Variants in PLCB1 observed in about 807,000 individuals in gnomAD.
PLCB1 encodes phospholipase C beta 1, also known as 1-phosphatidylinositol 4,5-bisphosphate phosphodiesterase beta-1.
In PLCB1, 46 loss-of-function variants were observed where a neutral mutation model predicts 161.8. That is an observed-to-expected ratio of 0.28 (90% CI 0.22 to 0.36). PLCB1 has a LOEUF of 0.36. PLCB1 is among the 10% of genes least tolerant of loss of function. The pLI is 1.00. For synonymous variants in PLCB1, 517 were observed against 503.7 expected, an observed-to-expected ratio of 1.03 and a Z score of -0.35; for missense variants, 1,016 against 1,472.5, an observed-to-expected ratio of 0.69 and a Z score of 5.07.
intron 3 of PLCB1, among the ~76,000 whole-genome samples, chr20:8,504,970 A>G (rs1983575650): frequency 1.3e-5 from 2 of 152,148 alleles, no homozygotes; most frequent in Non-Finnish European, 2.9e-5. Flanking sequence ...GGGCTCAAGT[A>G]ATCCTTCTAC....
intron 2 of PLCB1, among the ~76,000 whole-genome samples, chr20:8,364,082 G>A (rs1006273747): frequency 4.0e-5 from 6 of 151,878 alleles, no homozygotes; most frequent in East Asian, 3.9e-4. Context: ...TATTTGTACC[G>A]AGCAGACTCT....
chr20:8,343,784 A>G (rs1985898734), intron 2 of PLCB1, among the ~76,000 whole-genome samples: 1 of 152,190 alleles, frequency 6.6e-6, no homozygotes, highest in Admixed American at 6.5e-5. Flanking sequence ...AGAATTCTTT[A>G]TTTCAGGAAC....
chr20:8,438,310 C>A (rs931061585), intron 3 of PLCB1, among the ~76,000 whole-genome samples: 1 of 151,986 alleles, frequency 6.6e-6, no homozygotes, highest in African/African-American at 2.4e-5. Context: ...TGAGGGAAAA[C>A]CAAAATTGCT....
intron 3 of PLCB1, among the ~76,000 whole-genome samples, chr20:8,452,141 C>T (rs1981102512): frequency 1.3e-5 from 2 of 152,210 alleles, no homozygotes; most frequent in African/African-American, 2.4e-5. Flanking sequence ...CTTCAATTTG[C>T]AAGGCATCAT....
At chr20:8,862,636 C>A (rs1203614083) in intron 31 of PLCB1, among the ~76,000 whole-genome samples, 1 of 152,140 alleles carries the variant, frequency 6.6e-6, no homozygotes, top group Admixed American at 6.5e-5. Context: ...AACATAGTTA[C>A]TGGGTAATTT....
At chr20:8,424,506 A>G (rs1979666601) in intron 3 of PLCB1, among the ~76,000 whole-genome samples, 1 of 152,130 alleles carries the variant, frequency 6.6e-6, no homozygotes, top group Admixed American at 6.5e-5. Flanking sequence ...TTGATACAAG[A>G]CCAAATGAGT....
At chr20:8,837,299 A>G (rs1455962696) in intron 31 of PLCB1, among the ~76,000 whole-genome samples, 2 of 152,206 alleles carry the variant, frequency 1.3e-5, no homozygotes, top group Non-Finnish European at 2.9e-5. Context: ...AGTGCAACTC[A>G]TGAGGATTTA....
rs916562165 is a variant in PLCB1 at position 8,644,789 on chromosome 20, G to T, written c.385-1313G>T. ...CCGGCCGCCCCTACTGGGAAGTGAGGGGCCCCTCTGCTCGGCCACCACCCC... is the reference window on the plus strand; with the variant it reads ...CCGGCCGCCCCTACTGGGAAGTGAGTGGCCCCTCTGCTCGGCCACCACCCC... On this transcript the variant is annotated intron_variant, in intron 4 of 31. Coordinates refer to ENST00000338037, the MANE Select transcript of PLCB1 (RefSeq NM_015192.4). 1.4e-4 allele frequency among the ~76,000 whole-genome samples: 22 copies of T among 152,174 alleles called. 1 individual carries two copies. The highest frequency in any genetic ancestry group is 1.2e-3 in the South Asian group (6 of 4,818).
At chr20:8,843,691 T>G (rs1342969236) in intron 31 of PLCB1, among the ~76,000 whole-genome samples, 1 of 152,190 alleles carries the variant, frequency 6.6e-6, no homozygotes, top group Non-Finnish European at 1.5e-5. Flanking sequence ...TTATTTTGTT[T>G]GTTAATGATT....
rs1444972276 is a variant in PLCB1 at position 8,286,311 on chromosome 20, G to A, written c.178-85071G>A. ...TGCACTCCAGTCTGGGTGACAGAGT[G>A]TAACTCCATATCAAAAGAAAAAGAA... On this transcript the variant is annotated intron_variant, in intron 2 of 31. Transcript: ENST00000338037. Among the ~76,000 whole-genome samples, 3 of 152,164 alleles carry A rather than the reference G, an allele frequency of 2.0e-5. No individual in the cohort carries two copies. The East Asian group carries it at 5.8e-4, about 29-fold the overall frequency.
At chr20:8,233,038 T>C (rs1273988435) in intron 2 of PLCB1, among the ~76,000 whole-genome samples, 1 of 152,204 alleles carries the variant, frequency 6.6e-6, no homozygotes, top group Non-Finnish European at 1.5e-5. Flanking sequence ...CTCTTGGTCC[T>C]AGGCAGCTTT....
At chr20:8,334,775 A>G (rs1985509303) in intron 2 of PLCB1, among the ~76,000 whole-genome samples, 1 of 152,148 alleles carries the variant, frequency 6.6e-6, no homozygotes, top group South Asian at 2.1e-4. Context: ...TTCTGGTTCT[A>G]TGTGGTCTTT....
intron 3 of PLCB1, among the ~76,000 whole-genome samples, chr20:8,529,245 A>T (rs1984701720): frequency 6.6e-6 from 1 of 152,088 alleles, no homozygotes; most frequent in Admixed American, 6.6e-5. Context: ...AGATTAAACC[A>T]TGCACAAAAA....
chr20:8,167,296 C>T (rs1472066348), intron 2 of PLCB1, among the ~76,000 whole-genome samples: 1 of 152,164 alleles, frequency 6.6e-6, no homozygotes, highest in Non-Finnish European at 1.5e-5. Flanking sequence ...GGAGTGACTG[C>T]AGTGTTTTTA....
chr20:8,593,499 T>A (rs1987221357), intron 3 of PLCB1, among the ~76,000 whole-genome samples: 1 of 152,160 alleles, frequency 6.6e-6, no homozygotes, highest in South Asian at 2.1e-4. Context: ...CAGCCCCATG[T>A]AGGCTTTTAT....
chr20:8,688,981 G>A (rs1990415276), intron 10 of PLCB1, among the ~76,000 whole-genome samples: 6 of 152,066 alleles, frequency 3.9e-5, no homozygotes. Flanking sequence ...CCATGAGCAT[G>A]GGATGTGTTT....
chr20:8,474,099 G>T (rs1038962682), intron 3 of PLCB1, among the ~76,000 whole-genome samples: 1 of 152,208 alleles, frequency 6.6e-6, no homozygotes, highest in Non-Finnish European at 1.5e-5. Context: ...CCATGCCCCA[G>T]TGGCAAAGAG....
intron 31 of PLCB1, among the ~76,000 whole-genome samples, chr20:8,815,629 A>G (rs1985050612): frequency 6.6e-6 from 1 of 152,228 alleles, no homozygotes; most frequent in South Asian, 2.1e-4. Flanking sequence ...TCAGAAGTCT[A>G]ATCTTCAGCC....
At chr20:8,369,243 C>T (rs972731632) in intron 2 of PLCB1, among the ~76,000 whole-genome samples, 14 of 152,128 alleles carry the variant, frequency 9.2e-5, no homozygotes, top group African/African-American at 3.1e-4. Flanking sequence ...TTATGACTTC[C>T]CTCTTTCCTT....
Sources: gnomAD v4.1 joint callset for allele counts (sites outside exome capture counted in the v4.1 genomes callset) on GRCh38, gnomAD v4.1.1 for gene constraint, MANE v1.5 for transcripts, NCBI Gene and HGNC (gene_info 2026-07-23, HGNC 2026-07-21) for gene names.